Variants in KCNN2 observed in about 807,000 individuals in gnomAD.
KCNN2 encodes the protein potassium calcium-activated channel subfamily N member 2.
In KCNN2, 24 loss-of-function variants were observed where a neutral mutation model predicts 55.5. The ratio of observed to expected loss-of-function variants is 0.43; its 90% confidence interval spans 0.31 to 0.61. The LOEUF (loss-of-function observed/expected upper bound fraction) is 0.61. Among genes scored for constraint, KCNN2 ranks in the 20% least tolerant of loss-of-function variants. The pLI is 0.08. For missense variants in KCNN2, 754 were observed against 853.6 expected (o/e 0.88, Z 1.45); for synonymous variants, 431 against 336.1 (o/e 1.28, Z -3.09).
At chr5:114,459,111 A>G (rs1761073403) in intron 3 of KCNN2, among the ~76,000 whole-genome samples, 2 of 152,140 alleles carry the variant, frequency 1.3e-5, no homozygotes, top group South Asian at 4.1e-4. Flanking sequence ...ATGAATTAAG[A>G]AATGAATTAG....
chr5:114,469,016 A>T (rs953505237), intron 4 of KCNN2, among the ~76,000 whole-genome samples: 1 of 152,204 alleles, frequency 6.6e-6, no homozygotes, highest in South Asian at 2.1e-4. Context: ...AGGGCTCAAC[A>T]TGGCTTACAG....
chr5:114,461,554 G>C (rs1157123250), intron 3 of KCNN2, among the ~76,000 whole-genome samples: 10 of 152,262 alleles, frequency 6.6e-5, no homozygotes, highest in African/African-American at 2.4e-4. Context: ...GAATTTCTTA[G>C]CTTCTCTATT....
chr5:114,371,820 G>C (rs1374110167), intron 2 of KCNN2, among the ~76,000 whole-genome samples: 2 of 152,128 alleles, frequency 1.3e-5, no homozygotes, highest in Non-Finnish European at 2.9e-5. Flanking sequence ...AAATGAGAAA[G>C]TCAGAAACAT....
intron 1 of KCNN2, among the ~76,000 whole-genome samples, chr5:114,078,857 C>T (rs1216776060): frequency 6.6e-6 from 1 of 152,136 alleles, no homozygotes; most frequent in Non-Finnish European, 1.5e-5. Context: ...ATTCAATTAC[C>T]TCTGCCTGCA....
intron 1 of KCNN2, among the ~76,000 whole-genome samples, chr5:114,192,412 G>A (rs770173241): frequency 4.6e-5 from 7 of 152,102 alleles, no homozygotes; most frequent in Non-Finnish European, 8.8e-5. Context: ...CACTCCCTAT[G>A]TATGTATGGA....
intron 1 of KCNN2, among the ~76,000 whole-genome samples, chr5:114,189,459 A>G (rs530985012): frequency 6.6e-6 from 1 of 152,292 alleles, no homozygotes; most frequent in African/African-American, 2.4e-5. Flanking sequence ...CAATCTGCTT[A>G]CCAATTAAAT....
At chr5:114,380,785 G>T (rs76814577) in intron 2 of KCNN2, among the ~76,000 whole-genome samples, 6,582 of 152,250 alleles carry the variant, frequency 0.043, 158 homozygotes, top group Middle Eastern at 0.065. Context: ...GGAGAGAGTA[G>T]TGAAATGCCT....
At chr5:114,358,263 A>G (rs1580744408), upstream of KCNN2, among the ~76,000 whole-genome samples, 1 of 150,996 alleles carries the variant, frequency 6.6e-6, no homozygotes, top group East Asian at 1.9e-4. Context: ...CAAATTTACA[A>G]GAAAAAAACA....
rs572343274 is a variant in KCNN2 at position 114,281,265 on chromosome 5, C to G, written c.-185+59700C>G. Among the ~76,000 whole-genome samples the G allele has an allele frequency of 1.9e-4, 29 of 152,046 alleles. No homozygotes were observed. The South Asian group carries it at 3.7e-3, about 20-fold the overall frequency. ...TTTGTATTTTGCAGGTTTCTTTATC[C>G]CTGATGAATATGTCAGCATCTAAAA... On this transcript the variant is annotated intron_variant, in intron 2 of 10. Coordinates refer to the KCNN2 transcript ENST00000512097.
rs531657318 is a variant in KCNN2 at position 114,378,177 on chromosome 5, A to AT, written c.1218+14176_1218+14177insT. On this transcript the variant is annotated intron_variant, in intron 2 of 7. Transcript: ENST00000673685. ...AAATCTGGCGTATGTGTTTATATAT[A>AT]AAAAAAACTTTTATTGGAACACAGC... is the stretch of plus-strand genomic sequence containing the variant. Among the ~76,000 whole-genome samples, 5 of 141,866 alleles carry AT rather than the reference A, an allele frequency of 3.5e-5. No homozygotes were observed. In the South Asian group the frequency reaches 1.1e-3, roughly 30 times the overall value. 93.1% of individuals were successfully genotyped at this position (141,866 alleles called of 152,430 possible).
At chr5:114,203,579 T>C (rs1753716696) in intron 1 of KCNN2, among the ~76,000 whole-genome samples, 1 of 152,208 alleles carries the variant, frequency 6.6e-6, no homozygotes, top group Non-Finnish European at 1.5e-5. Flanking sequence ...TGAACTGACT[T>C]TCTAGTTCTA....
At chr5:114,058,351 T>G (rs1483525074) in intron 1 of KCNN2, among the ~76,000 whole-genome samples, 2 of 152,110 alleles carry the variant, frequency 1.3e-5, no homozygotes, top group African/African-American at 4.8e-5. Context: ...TTACCTCAGA[T>G]GGAGGAGAAA....
At chr5:114,150,097 A>G (rs944534630) in intron 1 of KCNN2, among the ~76,000 whole-genome samples, 5 of 152,198 alleles carry the variant, frequency 3.3e-5, no homozygotes, top group Non-Finnish European at 7.3e-5. Flanking sequence ...CACATCACGT[A>G]CTGTTGGCTC....
intron 3 of KCNN2, among the ~76,000 whole-genome samples, chr5:114,433,208 G>C (rs770871310): frequency 7.9e-5 from 12 of 152,198 alleles, no homozygotes; most frequent in Non-Finnish European, 1.8e-4. Context: ...ACACCAATTG[G>C]CATTCTGTAT....
chr5:114,102,187 T>C (rs1751386093), intron 1 of KCNN2, among the ~76,000 whole-genome samples: 1 of 152,232 alleles, frequency 6.6e-6, no homozygotes, highest in African/African-American at 2.4e-5. Flanking sequence ...TGAACAGTGA[T>C]GATGAGCTTT....
intron 2 of KCNN2, among the ~76,000 whole-genome samples, chr5:114,269,992 C>T (rs1292441357): frequency 1.3e-5 from 2 of 152,188 alleles, no homozygotes; most frequent in South Asian, 2.1e-4. Flanking sequence ...TAATTATAAG[C>T]TGTTCATAAG....
At chr5:114,110,047 C>G (rs1190888353) in intron 1 of KCNN2, among the ~76,000 whole-genome samples, 1 of 152,072 alleles carries the variant, frequency 6.6e-6, no homozygotes, top group Non-Finnish European at 1.5e-5. Context: ...CTTGCCCTTC[C>G]TCCATGTGAG....
At chr5:114,428,009 T>C (rs1478488331) in intron 3 of KCNN2, among the ~76,000 whole-genome samples, 2 of 152,176 alleles carry the variant, frequency 1.3e-5, no homozygotes, top group Non-Finnish European at 2.9e-5. Flanking sequence ...TATGAGAAGG[T>C]AAAGGAGAAA....
chr5:114,442,605 T>C (rs1760258650), intron 3 of KCNN2, among the ~76,000 whole-genome samples: 1 of 152,126 alleles, frequency 6.6e-6, no homozygotes, highest in South Asian at 2.1e-4. Context: ...TACCTCCTTT[T>C]TGAAGTATGC....
Sources: allele counts gnomAD v4.1 joint callset (sites outside exome capture counted in the v4.1 genomes callset), GRCh38; gene constraint gnomAD v4.1.1; transcripts MANE v1.5; gene names NCBI Gene and HGNC (gene_info 2026-07-23, HGNC 2026-07-21).